CA4: variants seen among roughly 807,000 people sequenced by gnomAD.
The protein encoded by CA4 is CA-IV.
In CA4, 24 loss-of-function variants were observed where a neutral mutation model predicts 34.5. That is an observed-to-expected ratio of 0.70 (90% confidence interval 0.50 to 0.98). CA4 has a LOEUF of 0.98. CA4 is among the 50% of genes least tolerant of loss of function. The pLI is 0.00. For missense variants in CA4, 394 were observed against 396.7 expected, an observed-to-expected ratio of 0.99 and a Z score of 0.06; for synonymous variants, 178 against 170.6, an observed-to-expected ratio of 1.04 and a Z score of -0.34.
chr17:60,158,167 G>C (rs755793430), intron 6 of CA4, 40 bp downstream of exon 6: 1 of 1,611,668 alleles, frequency 6.2e-7, no homozygotes. Flanking sequence ...GGTGAGGGGG[G>C]GGATTCCTCC....
At chr17:60,155,491 C>CCCAG (rs2083662366) in intron 2 of CA4, 124 bp downstream of exon 2, 1 of 655,814 alleles carries the variant, frequency 1.5e-6, no homozygotes. Flanking sequence ...GATATCAGTT[C>CCCAG]CCAGCATACA....
At chr17:60,156,435 T>C in intron 2 of CA4, 125 bp from the exon 3 acceptor site, 1 of 963,290 alleles carries the variant, frequency 1.0e-6, no homozygotes, top group South Asian at 1.3e-5. Flanking sequence ...CAGCACAGCC[T>C]TCAGGCCACC....
At chr17:60,150,208 G>A in intron 1 of CA4, 116 bp downstream of exon 1, 4 of 873,896 alleles carry the variant, frequency 4.6e-6, no homozygotes, top group East Asian at 2.8e-5. Flanking sequence ...TGGCGCTGGG[G>A]TCCCGGGTTG....
At chr17:60,159,187 A>T in intron 7 of CA4, 43 bp from the exon 8 acceptor site, 1 of 1,530,274 alleles carries the variant, frequency 6.5e-7, no homozygotes, top group Non-Finnish European at 8.9e-7. Flanking sequence ...CAGGGAGTGC[A>T]GCTCCCCCTG....
chr17:60,156,994 A>T, intron 3 of CA4: 1 of 542,624 alleles, frequency 1.8e-6, no homozygotes, highest in Non-Finnish European at 3.3e-6. Flanking sequence ...GCGTGTTCAG[A>T]GGACTGCCAG....
downstream of CA4, among the ~76,000 whole-genome samples, chr17:60,161,136 A>G (rs1332252721): frequency 2.0e-5 from 3 of 152,062 alleles, no homozygotes; most frequent in Non-Finnish European, 4.4e-5. Context: ...GGGACTTGTC[A>G]GGAAAGTCCC....
downstream of CA4, among the ~76,000 whole-genome samples, chr17:60,175,189 ATTTT>A (rs555031745): frequency 2.0e-4 from 21 of 107,644 alleles, no homozygotes; most frequent in African/African-American, 4.5e-4. Flanking sequence ...CACCCAGCTG[ATTTT>A]TTTTTTTTTT....
chr17:60,155,235 G>A, intron 1 of CA4, 79 bp from the exon 2 acceptor site: 1 of 1,382,078 alleles, frequency 7.2e-7, no homozygotes, highest in South Asian at 1.2e-5. Context: ...CCAGGGGTAG[G>A]CCCAGCCTCT....
chr17:60,155,523 ACTCTCTCTCTCTCTCT>A (rs1216768588), intron 2 of CA4, among the ~76,000 whole-genome samples, 156 bp downstream of exon 2: 1 of 146,284 alleles, frequency 6.8e-6, no homozygotes, highest in African/African-American at 2.6e-5. Context: ...ACACACACAC[ACTCTCTCTCTCTCTCT>A]CACACACACA....
chr17:60,156,846 G>T, intron 3 of CA4, 131 bp downstream of exon 3: 1 of 839,096 alleles, frequency 1.2e-6, no homozygotes, highest in East Asian at 2.5e-5. Flanking sequence ...AAAATCCCAT[G>T]GGGGAGGACA....
downstream of CA4, among the ~76,000 whole-genome samples, chr17:60,159,976 T>C (rs994477658): frequency 4.6e-5 from 7 of 152,078 alleles, no homozygotes; most frequent in Admixed American, 2.0e-4. Flanking sequence ...CCTGTCTCTA[T>C]AAAAAATACA....
chr17:60,150,133 C>G, intron 1 of CA4, 41 bp downstream of exon 1: 4 of 1,499,004 alleles, frequency 2.7e-6, no homozygotes, highest in Non-Finnish European at 3.6e-6. Flanking sequence ...CCTCGGCGGT[C>G]CCCTCCGTGC....
At chr17:60,159,091 C>A (rs1567732512) in intron 7 of CA4, 139 bp from the exon 8 acceptor site, 1 of 752,826 alleles carries the variant, frequency 1.3e-6, no homozygotes, top group South Asian at 1.5e-5. Flanking sequence ...ATCTTCACGA[C>A]CACCTTGAGA....
chr17:60,158,168 G>T (rs2083728117), intron 6 of CA4, 41 bp downstream of exon 6: 1 of 1,611,334 alleles, frequency 6.2e-7, no homozygotes. Flanking sequence ...GTGAGGGGGG[G>T]GATTCCTCCC....
chr17:60,154,636 A>G (rs548183514), intron 1 of CA4, among the ~76,000 whole-genome samples: 3 of 152,268 alleles, frequency 2.0e-5, no homozygotes, highest in Non-Finnish European at 2.9e-5. Flanking sequence ...CATGTGGGAC[A>G]TTTGAGGTGC....
At position 60,156,721 on chromosome 17, in the gene CA4, C is replaced by T. The variant is rs368800454; in HGVS notation, c.268+6C>T. 2.5e-6 allele frequency: 4 copies of T among 1,613,648 alleles called. No individual in the cohort carries two copies. The highest frequency in any genetic ancestry group is 3.4e-6 in the Non-Finnish European group (4 of 1,179,582). On this transcript the variant is annotated splice_donor_region_variant and intron_variant, in intron 3 of 7. Coordinates refer to ENST00000300900, the MANE Select transcript of CA4 (RefSeq NM_000717.5). ...CCAAAATAACGGGCACTCAGGTGGG[C>T]TGGATGGAGGCCCCAGGCAGGCCTG...
exon 6 of CA4, chr17:60,170,668 G>C (rs1457325763): frequency 2.0e-5 from 3 of 152,316 alleles, no homozygotes; most frequent in Non-Finnish European, 4.4e-5. Context: ...AGGAGGAGCT[G>C]CTTTGGGGAC....
chr17:60,155,535 TCTCTCA>T (rs1366625751), intron 2 of CA4, among the ~76,000 whole-genome samples, 168 bp downstream of exon 2: 1,677 of 129,504 alleles, frequency 0.013, 25 homozygotes, highest in African/African-American at 0.068. Context: ...TCTCTCTCTC[TCTCTCA>T]CACACACACA....
intron 1 of CA4, among the ~76,000 whole-genome samples, chr17:60,153,427 C>A (rs1366658353): frequency 2.0e-5 from 3 of 152,160 alleles, no homozygotes; most frequent in Admixed American, 6.5e-5. Context: ...GCACATGTCC[C>A]CATATATACA....
Sources: gnomAD v4.1 joint callset for allele counts (sites outside exome capture counted in the v4.1 genomes callset) on GRCh38, gnomAD v4.1.1 for gene constraint, MANE v1.5 for transcripts, NCBI Gene and HGNC (gene_info 2026-07-23, HGNC 2026-07-21) for gene names.